The following PCSK6 variants were observed in gnomAD, a reference collection of about 807,000 sequenced individuals.
PCSK6 encodes the protein proprotein convertase subtilisin/kexin type 6.
A neutral mutation model predicts 123.3 loss-of-function variants in PCSK6; 85 were observed. That is an observed-to-expected ratio of 0.69 (90% CI 0.58 to 0.83). The LOEUF is 0.83. Ranked by LOEUF, PCSK6 falls within the 40% of genes least tolerant of loss-of-function variation. The pLI is 0.00. For missense variants in PCSK6, 1,191 were observed against 1,282.3 expected (o/e 0.93, Z 1.09); for synonymous variants, 508 against 516.0 (o/e 0.98, Z 0.21).
At chr15:101,344,411 A>G (rs2040686249) in intron 13 of PCSK6, among the ~76,000 whole-genome samples, 1 of 152,204 alleles carries the variant, frequency 6.6e-6, no homozygotes, top group Non-Finnish European at 1.5e-5. Flanking sequence ...ATTGATACAT[A>G]CACAGAGCTA....
chr15:101,313,325 A>T (rs753721762), intron 20 of PCSK6, 51 bp downstream of exon 20: 2 of 1,611,946 alleles, frequency 1.2e-6, no homozygotes, highest in Non-Finnish European at 1.7e-6. Context: ...CCCTCCAGGC[A>T]CTCCTTTGCT....
intron 1 of PCSK6, among the ~76,000 whole-genome samples, chr15:101,450,191 C>T (rs1252126994): frequency 6.6e-6 from 1 of 152,100 alleles, no homozygotes; most frequent in East Asian, 1.9e-4. Flanking sequence ...CTTGGACCCT[C>T]GCTGGCCTCT....
intron 1 of PCSK6, among the ~76,000 whole-genome samples, chr15:101,451,926 G>C (rs1227339131): frequency 6.6e-6 from 1 of 152,118 alleles, no homozygotes; most frequent in Non-Finnish European, 1.5e-5. Context: ...GGATTACCTG[G>C]TATTTATAAT....
intron 20 of PCSK6, among the ~76,000 whole-genome samples, chr15:101,310,179 T>C (rs2039823296): frequency 6.6e-6 from 1 of 151,394 alleles, no homozygotes. Context: ...GCGTCCACAC[T>C]GACGCTCTTC....
At chr15:101,429,117 G>C (rs549609652) in intron 5 of PCSK6, among the ~76,000 whole-genome samples, 8 of 152,350 alleles carry the variant, frequency 5.3e-5, no homozygotes, top group Admixed American at 5.2e-4. Context: ...ATAATCGGGA[G>C]ACGCCCCTCA....
intron 13 of PCSK6, among the ~76,000 whole-genome samples, chr15:101,360,371 T>G (rs184686763): frequency 1.3e-5 from 2 of 152,318 alleles, no homozygotes. Flanking sequence ...CAAAGCCCAG[T>G]GCGATCTGGT....
chr15:101,489,525 C>A lies in PCSK6; in HGVS notation c.146G>T (p.Trp49Leu). ...PGFRPLAPRP[W>L]RWLLLLALPA... ...CAGCGCCAGCAGCAGCAGCCAGCGC[C>A]AGGGACGCGGCGCGAGCGGCCGGAA... Residue 49 changes from tryptophan (W) to leucine (L), a missense_variant, in exon 1 of 22, where the codon TGG becomes TTG. By Grantham distance (61) the Trp-to-Leu change is moderately conservative. Around this residue, in one of 3 missense-constraint regions of PCSK6, gnomAD observed 204 missense variants for 166.4 expected, o/e 1.23. Coordinates refer to ENST00000611716, the MANE Select transcript of PCSK6 (RefSeq NM_002570.5). 1 of 1,024,466 alleles carries A rather than the reference C, an allele frequency of 9.8e-7. No individual in the cohort carries two copies. Among genetic ancestry groups the A allele is most frequent in the South Asian group, 4.5e-5 (1 of 22,430 alleles). 63.5% of individuals were successfully genotyped at this position (1,024,466 alleles called of 1,614,324 possible).
chr15:101,390,008 C>A (rs1440666093), intron 8 of PCSK6, among the ~76,000 whole-genome samples: 1 of 152,170 alleles, frequency 6.6e-6, no homozygotes, highest in Non-Finnish European at 1.5e-5. Flanking sequence ...CTAAGTCACC[C>A]CCTGACTTCA....
chr15:101,450,852 A>T (rs947885066), intron 1 of PCSK6, among the ~76,000 whole-genome samples: 2 of 152,084 alleles, frequency 1.3e-5, no homozygotes, highest in African/African-American at 4.8e-5. Flanking sequence ...TGGTCTGGGC[A>T]AGACCCCCAC....
In PCSK6 at chr15:101,304,949, A is replaced by G; in HGVS notation, c.*309T>C. The stretch of plus-strand genomic sequence containing the variant: ...TTTTCTGCTTTGGTCTTGAAGATTC[A>G]GTAAACTTATGGTCCCAGAAGCTGC... On this transcript the variant is annotated 3_prime_UTR_variant, in exon 22 of 22. Coordinates refer to ENST00000611716, the MANE Select transcript of PCSK6 (RefSeq NM_002570.5). The G allele has an allele frequency of 3.1e-6, 1 of 320,304 alleles. No individual in the cohort carries two copies. The allele number at this position is 320,304 out of a possible 1,614,324, so 19.8% of individuals were successfully genotyped here.
intron 13 of PCSK6, among the ~76,000 whole-genome samples, chr15:101,351,683 C>T (rs867541661): frequency 6.6e-6 from 1 of 151,570 alleles, no homozygotes; most frequent in African/African-American, 2.4e-5. Context: ...ATGTCAATAT[C>T]TATAAATAAT....
At chr15:101,370,763 G>C (rs535498396) in intron 11 of PCSK6, among the ~76,000 whole-genome samples, 1 of 152,374 alleles carries the variant, frequency 6.6e-6, no homozygotes, top group East Asian at 1.9e-4. Flanking sequence ...AGATGGTTCG[G>C]CTGGGCACTG....
In PCSK6 at chr15:101,393,242, G is replaced by A. The variant is rs1050437960; in HGVS notation, c.1179C>T (p.Tyr393=). 6.2e-7 allele frequency: 1 copy of A among 1,613,762 alleles called. No individual in the cohort carries two copies. Residue 393 remains tyrosine, a synonymous_variant, in exon 8 of 22, where the codon TAC becomes TAT. Transcript: ENST00000611716. ...TTCGCTCATAAAAGGCCCCACTGCT[G>A]TAGGTGGTGGCCAGGGTGGAGGCAC... ...EECASTLATT[Y]SSGAFYERKI... is the part of the protein sequence containing the mutation.
rs1434887089 is a variant in PCSK6 at position 101,489,590 on chromosome 15, C to T, written c.81G>A (p.Ala27=). 5 of 961,806 alleles carry T rather than the reference C, an allele frequency of 5.2e-6. No individual in the cohort carries two copies. The allele number at this position is 961,806 out of a possible 1,614,324, so 59.6% of individuals were successfully genotyped here. The change falls in exon 1 of 22, where the codon GCG becomes GCA. Residue 27 remains alanine (A), a synonymous_variant. Coordinates refer to ENST00000611716, the MANE Select transcript of PCSK6 (RefSeq NM_002570.5). The stretch of plus-strand genomic sequence containing the variant: ...CGCCCCCCGCGCCCCCCGCGCCCCC[C>T]GCGCCCGCGGCGGTGTCGGTGGCGG... ...AAAATDTAAG[A]GGAGGAGGAG... is the part of the protein sequence containing the mutation.
intron 7 of PCSK6, 87 bp from the exon 8 acceptor site, chr15:101,393,511 A>C (rs1325859978): frequency 3.0e-6 from 3 of 985,060 alleles, no homozygotes; most frequent in East Asian, 5.0e-5. Context: ...CCATCTCCCA[A>C]ATGTTCCTTC....
Position 101,398,649 on chromosome 15 carries a change from A to G in PCSK6, c.824-73T>C. ...ACAGCGACGGGAACCCGGGCCCAGG[A>G]GGCTCGGATGAGGACACCGCATCAC... On this transcript the variant is annotated intron_variant, in intron 6 of 21. Transcript: ENST00000611716. This position sits in a 1 kb window ranked among gnomAD's most constrained non-coding sequence, Gnocchi z 4.6. 1 of 1,521,374 alleles carries G rather than the reference A, an allele frequency of 6.6e-7. No homozygotes were observed. Among genetic ancestry groups the G allele is most frequent in the Non-Finnish European group, 8.9e-7 (1 of 1,123,210 alleles). 94.2% of individuals were successfully genotyped at this position (1,521,374 alleles called of 1,614,324 possible). A position where few individuals can be genotyped will look rare whatever the true frequency, so the allele number is the denominator to read the frequency against.
In PCSK6 at chr15:101,403,165, G is replaced by T. The variant is rs1052671204; in HGVS notation, c.824-4589C>A. Among the ~76,000 whole-genome samples the T allele has an allele frequency of 4.0e-5, 6 of 149,502 alleles. No individual in the cohort carries two copies. In the East Asian group the frequency reaches 8.0e-4, roughly 20 times the overall value. ...AAATCATCATTCTCAGTAAACTATC[G>T]CAAGGACAAAAAACCAAACACCGCA... is the stretch of plus-strand genomic sequence containing the variant. On this transcript the variant is annotated intron_variant, in intron 6 of 21. Transcript: ENST00000611716.
rs775518247 is a variant in PCSK6 at position 101,307,230 on chromosome 15, T to C, written c.2795A>G (p.Asn932Ser). The C allele has an allele frequency of 3.7e-6, 6 of 1,613,084 alleles. No homozygotes were observed. The Admixed American group carries it at 8.3e-5, about 22-fold the overall frequency. ...FTQLGTSCIT[N>S]HTCSNADETF... ...CTGCTCACCGTTGCTGCACGTGTGG[T>C]TGGTGATGCAGGAGGTCCCCAGCTG... The change falls in exon 21 of 22, where the codon AAC becomes AGC. Residue 932 changes from asparagine (N) to serine (S), a missense_variant. Physicochemically the swap from Asn to Ser is conservative, Grantham distance 46. Around this residue, in one of 3 missense-constraint regions of PCSK6, gnomAD observed 630 missense variants for 631.4 expected, o/e 1.00. Coordinates refer to ENST00000611716, the MANE Select transcript of PCSK6 (RefSeq NM_002570.5).
At chr15:101,342,622 C>T (rs970902549) in intron 13 of PCSK6, among the ~76,000 whole-genome samples, 27 of 152,240 alleles carry the variant, frequency 1.8e-4, no homozygotes, top group Non-Finnish European at 3.5e-4. Context: ...CTGGCTTCAG[C>T]TGGGCACGGT....
Sources: allele counts gnomAD v4.1 joint callset (sites outside exome capture counted in the v4.1 genomes callset), GRCh38; gene constraint gnomAD v4.1.1; regional missense constraint gnomAD v4.1.1; non-coding constraint Gnocchi (gnomAD v3.1); transcripts MANE v1.5; gene names NCBI Gene and HGNC (gene_info 2026-07-23, HGNC 2026-07-21).